The following SCAMP1 variants were observed in gnomAD, a reference collection of about 807,000 sequenced individuals.
The protein encoded by SCAMP1 is secretory carrier-associated membrane protein 1.
Under a neutral mutation model 41.8 loss-of-function variants are expected in SCAMP1, and 15 were observed. The observed-to-expected ratio is 0.36, with a 90% CI of 0.24 to 0.55. SCAMP1 has a LOEUF of 0.55. Among genes scored for constraint, SCAMP1 ranks in the 20% least tolerant of loss-of-function variants. The probability of loss-of-function intolerance (pLI) is 0.86; values close to 1 mark genes in which losing one functional copy is unlikely to be tolerated. For missense variants in SCAMP1, 341 were observed against 412.6 expected (o/e 0.83, Z 1.50); for synonymous variants, 135 against 136.8 (o/e 0.99, Z 0.09).
intron 1 of SCAMP1, among the ~76,000 whole-genome samples, chr5:78,383,639 C>T (rs1468327324): frequency 6.6e-6 from 1 of 152,150 alleles, no homozygotes; most frequent in African/African-American, 2.4e-5. Flanking sequence ...CGGTTTCATT[C>T]TTCTACATGT....
At position 78,386,953 on chromosome 5, in the gene SCAMP1, T is replaced by C. The variant is rs117699619; in HGVS notation, c.58-1884T>C. ...TGCCTAGGTGATGATCTTTTTATGA[T>C]GAATTTCTCAGGTGTTTTTTGAGAT... On this transcript the variant is annotated intron_variant, in intron 1 of 8. Coordinates refer to ENST00000621999, the MANE Select transcript of SCAMP1 (RefSeq NM_004866.6). Among the ~76,000 whole-genome samples the C allele has an allele frequency of 1.1e-3, 168 of 152,330 alleles. No individual in the cohort carries two copies. In the East Asian group the frequency reaches 0.025, roughly 22 times the overall value.
Position 78,416,561 on chromosome 5 carries a change from T to C in SCAMP1, c.255T>C (p.Ala85=). The C allele has an allele frequency of 6.3e-7, 1 of 1,597,402 alleles. No individual in the cohort carries two copies. The highest frequency in any genetic ancestry group is 8.5e-7 in the Non-Finnish European group (1 of 1,171,666). ...TTTAGGAACATGCATTGGCCCAAGC[T>C]GAACTTCTTAAGCGCCAGGAAGAAC... is the stretch of plus-strand genomic sequence containing the variant. The part of the protein sequence containing the change: ...QIAKEHALAQ[A]ELLKRQEELE... The change falls in exon 4 of 9, where the codon GCT becomes GCC. Residue 85 remains alanine, a synonymous_variant. Coordinates refer to ENST00000621999, the MANE Select transcript of SCAMP1 (RefSeq NM_004866.6).
intron 6 of SCAMP1, among the ~76,000 whole-genome samples, chr5:78,446,246 A>G (rs1358617076): frequency 1.3e-5 from 2 of 152,194 alleles, no homozygotes; most frequent in African/African-American, 4.8e-5. Context: ...TTTTAGAAAT[A>G]GTTTTTGAGT....
At chr5:78,364,022 GA>G (rs1750732637) in intron 1 of SCAMP1, among the ~76,000 whole-genome samples, 1 of 152,220 alleles carries the variant, frequency 6.6e-6, no homozygotes, top group South Asian at 2.1e-4. Flanking sequence ...TAAAGCTATA[GA>G]GGGAAAAATA....
chr5:78,466,237 G>A (rs756723823), intron 8 of SCAMP1, among the ~76,000 whole-genome samples: 5 of 152,234 alleles, frequency 3.3e-5, no homozygotes, highest in Non-Finnish European at 7.3e-5. Flanking sequence ...GCACTGGGCT[G>A]TGCATGAGCT....
Position 78,478,286 on chromosome 5 carries a change from T to G in SCAMP1, c.*2618T>G, listed in dbSNP as rs1378857785. The G allele has an allele frequency of 6.6e-6, 1 of 152,454 alleles. No homozygotes were observed. The highest frequency in any genetic ancestry group is 1.5e-5 in the Non-Finnish European group (1 of 67,872). 9.4% of individuals were successfully genotyped at this position (152,454 alleles called of 1,614,324 possible). ...AATAAAATGCTGTTTACTGGATGTT[T>G]GTTTGTATAATTTTGAACACTATAA... is the stretch of plus-strand genomic sequence containing the variant. On this transcript the variant is annotated 3_prime_UTR_variant, in exon 9 of 9. Transcript: ENST00000621999.
intron 1 of SCAMP1, 61 bp downstream of exon 1, chr5:78,360,789 G>A: frequency 2.7e-6 from 4 of 1,495,004 alleles, no homozygotes; most frequent in East Asian, 2.5e-5. Flanking sequence ...GAAAACGGAC[G>A]AGTTCCTTCG....
At chr5:78,385,576 C>T (rs1751321566) in intron 1 of SCAMP1, among the ~76,000 whole-genome samples, 1 of 152,064 alleles carries the variant, frequency 6.6e-6, no homozygotes, top group Admixed American at 6.5e-5. Flanking sequence ...TTGATGTAAG[C>T]ATTTAATACT....
At chr5:78,473,756 G>T (rs1753940547) in intron 8 of SCAMP1, among the ~76,000 whole-genome samples, 1 of 152,028 alleles carries the variant, frequency 6.6e-6, no homozygotes, top group African/African-American at 2.4e-5. Flanking sequence ...CATTAATTAG[G>T]TTATATACTT....
At chr5:78,384,332 T>C (rs1751289380) in intron 1 of SCAMP1, among the ~76,000 whole-genome samples, 1 of 152,158 alleles carries the variant, frequency 6.6e-6, no homozygotes, top group Non-Finnish European at 1.5e-5. Context: ...TGAATTCATT[T>C]ACCAGTTCTA....
At chr5:78,452,528 T>C (rs1292853008) in intron 7 of SCAMP1, among the ~76,000 whole-genome samples, 1 of 135,450 alleles carries the variant, frequency 7.4e-6, no homozygotes, top group Non-Finnish European at 1.6e-5. Context: ...TCATCATTTT[T>C]TATGGCTGCA....
chr5:78,454,871 G>T (rs1753345331), intron 7 of SCAMP1, among the ~76,000 whole-genome samples: 1 of 152,100 alleles, frequency 6.6e-6, no homozygotes, highest in African/African-American at 2.4e-5. Context: ...TCCTGTTATT[G>T]GTCTATTCAG....
intron 8 of SCAMP1, among the ~76,000 whole-genome samples, chr5:78,470,845 C>A (rs1753869274): frequency 6.6e-6 from 1 of 152,112 alleles, no homozygotes; most frequent in African/African-American, 2.4e-5. Context: ...GCCATCCTAG[C>A]AGGTGTGAAG....
At chr5:78,361,304 TC>T (rs1750645050) in intron 1 of SCAMP1, among the ~76,000 whole-genome samples, 1 of 152,020 alleles carries the variant, frequency 6.6e-6, no homozygotes, top group African/African-American at 2.4e-5. Context: ...GGCGCTGCCA[TC>T]CCCCCTCTTT....
intron 2 of SCAMP1, among the ~76,000 whole-genome samples, chr5:78,394,993 A>G (rs1561258922): frequency 1.3e-5 from 2 of 152,158 alleles, no homozygotes; most frequent in Non-Finnish European, 2.9e-5. Flanking sequence ...CTAGTTATCT[A>G]CTTCCAGCCT....
At chr5:78,420,677 A>G (rs1752318858) in intron 5 of SCAMP1, among the ~76,000 whole-genome samples, 1 of 152,112 alleles carries the variant, frequency 6.6e-6, no homozygotes, top group Admixed American at 6.5e-5. Flanking sequence ...GATGACTACA[A>G]CCTAAGTGAC....
intron 3 of SCAMP1, 36 bp downstream of exon 3, chr5:78,415,654 C>G (rs746261716): frequency 1.9e-5 from 23 of 1,227,942 alleles, no homozygotes; most frequent in Middle Eastern, 3.8e-4. Context: ...TCATATTGGC[C>G]ATTATAATAT....
At chr5:78,475,452 A>G (rs775757886) in intron 8 of SCAMP1, 52 bp from the exon 9 acceptor site, 1 of 1,357,604 alleles carries the variant, frequency 7.4e-7, no homozygotes, top group Non-Finnish European at 9.9e-7. Context: ...GCTGCTGGAA[A>G]TGAATGCGTA....
At chr5:78,468,963 C>T (rs1753808865) in intron 8 of SCAMP1, among the ~76,000 whole-genome samples, 1 of 152,132 alleles carries the variant, frequency 6.6e-6, no homozygotes, top group African/African-American at 2.4e-5. Flanking sequence ...CAAATCTATG[C>T]ATACTCAAGT....
Sources: allele counts gnomAD v4.1 joint callset (sites outside exome capture counted in the v4.1 genomes callset), GRCh38; gene constraint gnomAD v4.1.1; transcripts MANE v1.5; gene names NCBI Gene and HGNC (gene_info 2026-07-23, HGNC 2026-07-21).